Variants in TMCC1 observed in about 807,000 individuals in gnomAD.
TMCC1 encodes transmembrane and coiled-coil domain family 1.
A neutral mutation model predicts 52.4 loss-of-function variants in TMCC1; 15 were observed. That is an observed-to-expected ratio of 0.29 (90% CI 0.19 to 0.44). The LOEUF is 0.44. TMCC1 is among the 20% of genes least tolerant of loss of function. The pLI is 1.00. For missense variants in TMCC1, 503 were observed against 806.0 expected (o/e 0.62, Z 4.55); for synonymous variants, 279 against 301.9 (o/e 0.92, Z 0.79).
chr3:129,878,402 T>C (rs2061321792), intron 2 of TMCC1, among the ~76,000 whole-genome samples: 1 of 152,192 alleles, frequency 6.6e-6, no homozygotes, highest in South Asian at 2.1e-4. Context: ...AGAAACTCAA[T>C]ACAAAAACCT....
chr3:129,822,798 T>C (rs775488187), intron 4 of TMCC1, among the ~76,000 whole-genome samples: 2 of 152,138 alleles, frequency 1.3e-5, no homozygotes, highest in Non-Finnish European at 2.9e-5. Flanking sequence ...TTAGAATTAA[T>C]CAAAGTAGCT....
intron 4 of TMCC1, among the ~76,000 whole-genome samples, chr3:129,792,964 A>G (rs978814077): frequency 3.3e-5 from 5 of 152,190 alleles, no homozygotes; most frequent in African/African-American, 4.8e-5. Flanking sequence ...CAAAATACCC[A>G]TAATATAGTT....
At chr3:129,723,912 A>ATTTTTT (rs5852573) in intron 4 of TMCC1, among the ~76,000 whole-genome samples, 1 of 141,432 alleles carries the variant, frequency 7.1e-6, no homozygotes, top group African/African-American at 2.6e-5. Flanking sequence ...TCAGGATGAG[A>ATTTTTT]TTTTTTTTTT....
chr3:129,722,948 T>A (rs922547791), intron 4 of TMCC1, among the ~76,000 whole-genome samples: 2 of 152,252 alleles, frequency 1.3e-5, no homozygotes, highest in African/African-American at 4.8e-5. Context: ...GTGAAAAATC[T>A]GTTTGGATCT....
chr3:129,687,108 C>T (rs992845347), intron 4 of TMCC1, among the ~76,000 whole-genome samples: 3 of 152,004 alleles, frequency 2.0e-5, no homozygotes, highest in African/African-American at 7.3e-5. Context: ...CTGCCAGTAA[C>T]CTAATGGAGT....
At chr3:129,785,582 C>A (rs2055946158) in intron 4 of TMCC1, among the ~76,000 whole-genome samples, 1 of 139,216 alleles carries the variant, frequency 7.2e-6, no homozygotes, top group Admixed American at 6.8e-5. Flanking sequence ...CACACACACA[C>A]ACAAACACAC....
At chr3:129,740,318 G>A (rs1185555789) in intron 4 of TMCC1, among the ~76,000 whole-genome samples, 1 of 152,158 alleles carries the variant, frequency 6.6e-6, no homozygotes, top group Non-Finnish European at 1.5e-5. Context: ...TGTGCCAGCT[G>A]ATGACATCTC....
chr3:129,787,295 T>C (rs1177194549), intron 4 of TMCC1, among the ~76,000 whole-genome samples: 1 of 152,182 alleles, frequency 6.6e-6, no homozygotes, highest in African/African-American at 2.4e-5. Context: ...TTTTTTTTAT[T>C]ATACATGCTA....
rs1027173659 is a variant in TMCC1, at chr3:129,838,859, A to G, written c.-183-6033T>C. 4.6e-5 allele frequency among the ~76,000 whole-genome samples: 7 copies of G among 152,024 alleles called. No homozygotes were observed. In the East Asian group the frequency reaches 1.2e-3, roughly 25 times the overall value. On this transcript the variant is annotated intron_variant, in intron 2 of 6. Coordinates refer to ENST00000393238, the MANE Select transcript of TMCC1 (RefSeq NM_001017395.5). ...AGTCAAAGAGGGGAAAATATGTTAC[A>G]TACAGAGGAATAAAGATATAAGATT...
rs754694758 is a variant in TMCC1, at chr3:129,828,336, G to T, written c.43C>A (p.Pro15Thr). The change falls in exon 4 of 7, where the codon CCT (proline) becomes ACT (threonine). Residue 15 changes from proline (P) to threonine (T), a missense_variant. Coordinates refer to ENST00000393238, the MANE Select transcript of TMCC1 (RefSeq NM_001017395.5). This position sits in a 1 kb window ranked among gnomAD's most constrained non-coding sequence, Gnocchi z 4.1. Reference sequence around the variant, plus strand: ...TCTGCATCTTGGGATTTGCCTCCAGGATCAGGGTCCTCAAATAACTGTTCA... The same window carrying T: ...TCTGCATCTTGGGATTTGCCTCCAGTATCAGGGTCCTCAAATAACTGTTCA... The part of the protein sequence containing the change: ...GSEQLFEDPD[P>T]GGKSQDAEAR... 13 of 1,613,836 alleles carry T rather than the reference G, an allele frequency of 8.1e-6. No individual in the cohort carries two copies. In the South Asian group the frequency reaches 1.2e-4, roughly 15 times the overall value.
chr3:129,774,154 G>T (rs1031305737), intron 4 of TMCC1, among the ~76,000 whole-genome samples: 1 of 152,178 alleles, frequency 6.6e-6, no homozygotes, highest in Non-Finnish European at 1.5e-5. Flanking sequence ...GAGGAGGAAA[G>T]ATATCAAGCT....
intron 4 of TMCC1, among the ~76,000 whole-genome samples, chr3:129,788,418 C>T (rs2056194707): frequency 6.6e-6 from 1 of 152,114 alleles, no homozygotes; most frequent in Non-Finnish European, 1.5e-5. Flanking sequence ...TATCCATTCC[C>T]ACTACATCAA....
intron 1 of TMCC1, among the ~76,000 whole-genome samples, chr3:129,890,944 G>A (rs748321733): frequency 6.6e-6 from 1 of 152,122 alleles, no homozygotes; most frequent in Non-Finnish European, 1.5e-5. Context: ...AAGAGGAAAC[G>A]GAAAGGTACC....
intron 4 of TMCC1, among the ~76,000 whole-genome samples, chr3:129,683,900 C>T (rs1050853246): frequency 1.3e-5 from 2 of 152,150 alleles, no homozygotes; most frequent in Admixed American, 6.5e-5. Flanking sequence ...ATAAAATCTT[C>T]GGCAAGGGAT....
intron 4 of TMCC1, among the ~76,000 whole-genome samples, chr3:129,685,978 C>G (rs1229590441): frequency 6.6e-6 from 1 of 152,146 alleles, no homozygotes; most frequent in African/African-American, 2.4e-5. Flanking sequence ...ATTTTACTTT[C>G]CAAATTTCCA....
At chr3:129,745,325 C>A (rs2051837318) in intron 4 of TMCC1, among the ~76,000 whole-genome samples, 1 of 152,206 alleles carries the variant, frequency 6.6e-6, no homozygotes, top group Non-Finnish European at 1.5e-5. Flanking sequence ...CAACTGTACA[C>A]CTTCTCTTGT....
chr3:129,764,777 ATATATATATATATTTTTTTTTTT>A (rs1426578085), intron 4 of TMCC1, among the ~76,000 whole-genome samples: 10 of 70,950 alleles, frequency 1.4e-4, no homozygotes, highest in African/African-American at 5.8e-4. Context: ...ATATATATAT[ATATATATATATATTTTTTTTTTT>A]TTTTTTTTTT....
At chr3:129,815,880 G>A (rs192582029) in intron 4 of TMCC1, among the ~76,000 whole-genome samples, 4 of 152,158 alleles carry the variant, frequency 2.6e-5, no homozygotes, top group African/African-American at 4.8e-5. Flanking sequence ...GAATACATAA[G>A]GAACTCAAAA....
chr3:129,654,882 T>G (rs2086571439), intron 6 of TMCC1, 86 bp downstream of exon 6: 4 of 1,519,580 alleles, frequency 2.6e-6, no homozygotes, highest in East Asian at 2.3e-5. Flanking sequence ...GTTCTCTACC[T>G]TCTCATCTTT....
Sources: allele counts gnomAD v4.1 joint callset (sites outside exome capture counted in the v4.1 genomes callset), GRCh38; gene constraint gnomAD v4.1.1; non-coding constraint Gnocchi (gnomAD v3.1); transcripts MANE v1.5; gene names NCBI Gene and HGNC (gene_info 2026-07-23, HGNC 2026-07-21).